The following SH3BP4 variants were observed in gnomAD, a reference collection of about 807,000 sequenced individuals.
The protein encoded by SH3BP4 is SH3 domain binding protein 4.
In SH3BP4, 33 loss-of-function variants were observed where a neutral mutation model predicts 65.5. The ratio of observed to expected loss-of-function variants is 0.50; its 90% CI spans 0.38 to 0.67. SH3BP4 has a LOEUF of 0.67. Among genes scored for constraint, SH3BP4 ranks in the 30% least tolerant of loss-of-function variants. SH3BP4 has a pLI of 0.00. For missense variants in SH3BP4, 1,134 were observed against 1,261.4 expected (o/e 0.90, Z 1.53); for synonymous variants, 552 against 545.5 (o/e 1.01, Z -0.17).
At chr2:235,051,507 C>G (rs1370872089) in intron 4 of SH3BP4, among the ~76,000 whole-genome samples, 1 of 152,196 alleles carries the variant, frequency 6.6e-6, no homozygotes, top group Non-Finnish European at 1.5e-5. Flanking sequence ...TGTCCTATTA[C>G]CTCCCCTCTG....
In SH3BP4 at chr2:235,042,110, C is replaced by T; in HGVS notation, c.1341C>T (p.Pro447=). 1 of 1,614,086 alleles carries T rather than the reference C, an allele frequency of 6.2e-7. No individual in the cohort carries two copies. Among genetic ancestry groups the T allele is most frequent in the Non-Finnish European group, 8.5e-7 (1 of 1,180,044 alleles). Reference sequence around the variant, plus strand: ...AGGCACAGCTGCACAACCTGGAGCCCTGTATGTACGTGGCTGTCGTGGCCC... The same window carrying T: ...AGGCACAGCTGCACAACCTGGAGCCTTGTATGTACGTGGCTGTCGTGGCCC... The part of the protein sequence containing the change: ...TVQAQLHNLE[P]CMYVAVVAHG... The change falls in exon 4 of 6, where the codon CCC becomes CCT. Residue 447 remains proline (P), a synonymous_variant. Transcript: ENST00000392011. The surrounding 1 kb of genome is among the most constrained non-coding windows in gnomAD (Gnocchi z 7.3).
At chr2:235,012,252 C>T (rs2106298037) in intron 2 of SH3BP4, among the ~76,000 whole-genome samples, 1 of 152,272 alleles carries the variant, frequency 6.6e-6, no homozygotes, top group South Asian at 2.1e-4. Context: ...TCCCTGGGGT[C>T]CCTGCTGCAC....
At position 234,968,133 on chromosome 2, in the gene SH3BP4, G is replaced by T. The variant is rs142172223; in HGVS notation, c.-207+15963G>T. ...AGGTAGTTAGGGATCTGGTCAGCTCGGTGGTAGCAATGATAATAGATGGAG... is the reference window on the plus strand; with the variant it reads ...AGGTAGTTAGGGATCTGGTCAGCTCTGTGGTAGCAATGATAATAGATGGAG... On this transcript the variant is annotated intron_variant, in intron 1 of 5. Coordinates refer to ENST00000392011, the MANE Select transcript of SH3BP4 (RefSeq NM_014521.3). 1.4e-4 allele frequency among the ~76,000 whole-genome samples: 22 copies of T among 152,322 alleles called. No homozygotes were observed. The East Asian group carries it at 4.3e-3, about 29-fold the overall frequency.
At chr2:234,963,011 A>G (rs992100016) in intron 1 of SH3BP4, among the ~76,000 whole-genome samples, 2 of 152,114 alleles carry the variant, frequency 1.3e-5, no homozygotes, top group African/African-American at 4.8e-5. Flanking sequence ...CAGCCTCCCA[A>G]AGTGCTGGGA....
chr2:235,053,507 C>A, intron 5 of SH3BP4, 85 bp from the exon 6 acceptor site: 1 of 1,012,920 alleles, frequency 9.9e-7, no homozygotes, highest in Non-Finnish European at 1.5e-6. Context: ...TGAAGCTGCA[C>A]CAAGTAATAG....
chr2:235,004,201 G>A (rs1212711518), intron 2 of SH3BP4, among the ~76,000 whole-genome samples: 1 of 152,090 alleles, frequency 6.6e-6, no homozygotes, highest in Non-Finnish European at 1.5e-5. Context: ...TTTAATAAAT[G>A]TATCTTTCCA....
intron 1 of SH3BP4, among the ~76,000 whole-genome samples, chr2:234,988,313 C>A (rs537137263): frequency 6.6e-6 from 1 of 152,328 alleles, no homozygotes; most frequent in Admixed American, 6.5e-5. Flanking sequence ...CCCACCTTGG[C>A]CTCCCAAAGT....
At chr2:235,025,804 C>T (rs942371637) in intron 2 of SH3BP4, among the ~76,000 whole-genome samples, 19 of 152,350 alleles carry the variant, frequency 1.2e-4, no homozygotes, top group African/African-American at 4.1e-4. Context: ...GGCAAAGGCA[C>T]TGTTTCAGGG....
At chr2:235,038,357 T>C (rs1695496314) in intron 3 of SH3BP4, among the ~76,000 whole-genome samples, 1 of 1,234 alleles carries the variant, frequency 8.1e-4, no homozygotes, top group African/African-American at 1.9e-3. Flanking sequence ...ATTTTATATA[T>C]ATATATATAA....
chr2:234,991,987 G>C lies in SH3BP4; in HGVS notation c.-206-3316G>C, dbSNP rs1347611890. On this transcript the variant is annotated intron_variant, in intron 1 of 5. Coordinates refer to ENST00000392011, the MANE Select transcript of SH3BP4 (RefSeq NM_014521.3). The surrounding 1 kb of genome is among the most constrained non-coding windows in gnomAD (Gnocchi z 4.2). Reference sequence around the variant, plus strand: ...ACCCAATCATCCCCCTGTCCAGGGAGCCTGCCGGGCTCAGCTTCAGGACCA... The same window carrying C: ...ACCCAATCATCCCCCTGTCCAGGGACCCTGCCGGGCTCAGCTTCAGGACCA... Among the ~76,000 whole-genome samples the C allele has an allele frequency of 6.6e-6, 1 of 152,254 alleles. No individual in the cohort carries two copies. The highest frequency in any genetic ancestry group is 1.5e-5 in the Non-Finnish European group (1 of 68,048).
At chr2:235,010,065 C>T (rs1373432374) in intron 2 of SH3BP4, among the ~76,000 whole-genome samples, 1 of 148,656 alleles carries the variant, frequency 6.7e-6, no homozygotes, top group Non-Finnish European at 1.5e-5. Context: ...TTCGTCCCAT[C>T]CCCGGGATCC....
chr2:235,049,215 G>A (rs140563269), intron 4 of SH3BP4, among the ~76,000 whole-genome samples: 300 of 152,230 alleles, frequency 2.0e-3, no homozygotes, highest in African/African-American at 6.6e-3. Context: ...GAGTCCAGGC[G>A]CTCTCCTTCC....
chr2:234,989,354 C>T lies in SH3BP4; in HGVS notation c.-206-5949C>T, dbSNP rs558056040. On this transcript the variant is annotated intron_variant, in intron 1 of 5. Coordinates refer to ENST00000392011, the MANE Select transcript of SH3BP4 (RefSeq NM_014521.3). Reference sequence around the variant, plus strand: ...TTGAAATGGATGTTGGGCCCGTTCCCGTCTCCCTTTCTGACCACACCTACG... The same window carrying T: ...TTGAAATGGATGTTGGGCCCGTTCCTGTCTCCCTTTCTGACCACACCTACG... Among the ~76,000 whole-genome samples the T allele has an allele frequency of 3.3e-5, 5 of 152,306 alleles. No individual in the cohort carries two copies. In the South Asian group the frequency reaches 6.2e-4, roughly 19 times the overall value.
chr2:235,003,443 A>G (rs1362387198), intron 2 of SH3BP4, among the ~76,000 whole-genome samples: 2 of 152,252 alleles, frequency 1.3e-5, no homozygotes, highest in African/African-American at 4.8e-5. Flanking sequence ...TCGGGGCATG[A>G]GAGCAGAATG....
rs922813208 is a variant in SH3BP4, at chr2:234,997,698, T to G, written c.-133+2322T>G. On this transcript the variant is annotated intron_variant, in intron 2 of 5. Coordinates refer to ENST00000392011, the MANE Select transcript of SH3BP4 (RefSeq NM_014521.3). This position sits in a 1 kb window ranked among gnomAD's most constrained non-coding sequence, Gnocchi z 4.2. ...GGGTGAGCTCCAGCCCCCGGTGGCTTGAACACCCTCTGTAGTTGTGTCTGC... is the reference window on the plus strand; with the variant it reads ...GGGTGAGCTCCAGCCCCCGGTGGCTGGAACACCCTCTGTAGTTGTGTCTGC... Among the ~76,000 whole-genome samples, 1 of 152,166 alleles carries G rather than the reference T, an allele frequency of 6.6e-6. No homozygotes were observed. Among genetic ancestry groups the G allele is most frequent in the Non-Finnish European group, 1.5e-5 (1 of 68,032 alleles).
intron 2 of SH3BP4, among the ~76,000 whole-genome samples, chr2:235,015,403 A>G (rs563675806): frequency 6.6e-6 from 1 of 152,318 alleles, no homozygotes; most frequent in Non-Finnish European, 1.5e-5. Context: ...CCTGTGCCAC[A>G]TTATCTCACA....
chr2:235,022,036 T>G (rs528864462), intron 2 of SH3BP4, among the ~76,000 whole-genome samples: 1 of 152,132 alleles, frequency 6.6e-6, no homozygotes, highest in Non-Finnish European at 1.5e-5. Flanking sequence ...TAGATGTGAA[T>G]GTTTATTGAA....
Position 234,997,167 on chromosome 2 carries a change from C to T in SH3BP4, c.-133+1791C>T, listed in dbSNP as rs1393135916. 2.6e-5 allele frequency among the ~76,000 whole-genome samples: 4 copies of T among 152,134 alleles called. No homozygotes were observed. Among genetic ancestry groups the T allele is most frequent in the Admixed American group, 2.6e-4 (4 of 15,266 alleles). On this transcript the variant is annotated intron_variant, in intron 2 of 5. Transcript: ENST00000392011. This position sits in a 1 kb window ranked among gnomAD's most constrained non-coding sequence, Gnocchi z 4.2. ...TGTAGGGGTGCTTGGGGGCGTGGGT[C>T]CCCACAGCAGTTAGAGACCATCCAC...
At chr2:234,958,164 G>A (rs1051570461) in intron 1 of SH3BP4, among the ~76,000 whole-genome samples, 2 of 152,116 alleles carry the variant, frequency 1.3e-5, no homozygotes, top group African/African-American at 4.8e-5. Context: ...ATGAAGGAAA[G>A]AGAAACCCTA....
Sources: gnomAD v4.1 joint callset for allele counts (sites outside exome capture counted in the v4.1 genomes callset) on GRCh38, gnomAD v4.1.1 for gene constraint, Gnocchi (gnomAD v3.1) non-coding constraint, MANE v1.5 for transcripts, NCBI Gene and HGNC (gene_info 2026-07-23, HGNC 2026-07-21) for gene names.